Variants in DNM3 observed in about 807,000 individuals in gnomAD.
DNM3 encodes dynamin-3.
Under a neutral mutation model 101.6 loss-of-function variants are expected in DNM3, and 47 were observed. That is an observed-to-expected ratio of 0.46 (90% CI 0.37 to 0.59). The LOEUF is 0.59. DNM3 is among the 20% of genes least tolerant of loss of function. The probability of loss-of-function intolerance (pLI) is 0.00; values close to 1 mark genes in which losing one functional copy is unlikely to be tolerated. For synonymous variants in DNM3, 385 were observed against 387.9 expected (o/e 0.99, Z 0.09); for missense variants, 849 against 1,085.7 (o/e 0.78, Z 3.06).
intron 20 of DNM3, among the ~76,000 whole-genome samples, chr1:172,400,589 C>A (rs1281157123): frequency 6.6e-6 from 1 of 152,108 alleles, no homozygotes; most frequent in South Asian, 2.1e-4. Flanking sequence ...TGCTTCTCTG[C>A]GTTTCTTTTA....
At chr1:171,902,711 T>C (rs568646841) in intron 1 of DNM3, among the ~76,000 whole-genome samples, 1 of 152,304 alleles carries the variant, frequency 6.6e-6, no homozygotes, top group African/African-American at 2.4e-5. Flanking sequence ...GATTGACTTA[T>C]CTGTTGGTGA....
intron 1 of DNM3, among the ~76,000 whole-genome samples, chr1:171,886,480 C>T (rs1456297180): frequency 6.6e-6 from 1 of 152,118 alleles, no homozygotes; most frequent in East Asian, 1.9e-4. Flanking sequence ...ACTGGTATCA[C>T]TGTGGCTGGA....
intron 18 of DNM3, among the ~76,000 whole-genome samples, chr1:172,382,898 C>A (rs893641732): frequency 2.6e-5 from 4 of 152,186 alleles, no homozygotes; most frequent in Non-Finnish European, 2.9e-5. Flanking sequence ...CTGGACCCCT[C>A]TGGAGGTCCA....
intron 17 of DNM3, among the ~76,000 whole-genome samples, chr1:172,372,222 A>C (rs1414496058): frequency 6.6e-6 from 1 of 151,796 alleles, no homozygotes; most frequent in Non-Finnish European, 1.5e-5. Flanking sequence ...AATTTCATCC[A>C]TGTCCCTACA....
rs139081809 is a variant in DNM3 at position 171,860,904 on chromosome 1, G to A, written c.161+19087G>A. Among the ~76,000 whole-genome samples, 421 of 152,164 alleles carry A rather than the reference G, an allele frequency of 2.8e-3. 2 individuals are homozygous for A. The highest frequency in any genetic ancestry group is 9.6e-3 in the African/African-American group (398 of 41,546). ...AGTGGGAAGACTGAGAAAAAAGTTGGGAGTTGAACATCTAAGGTATGGATT... is the reference window on the plus strand; with the variant it reads ...AGTGGGAAGACTGAGAAAAAAGTTGAGAGTTGAACATCTAAGGTATGGATT... On this transcript the variant is annotated intron_variant, in intron 1 of 20. Coordinates refer to ENST00000627582, the MANE Select transcript of DNM3 (RefSeq NM_015569.5).
chr1:171,877,891 G>C (rs2035919736), intron 1 of DNM3, among the ~76,000 whole-genome samples: 1 of 152,164 alleles, frequency 6.6e-6, no homozygotes, highest in African/African-American at 2.4e-5. Context: ...CTTAGACCGG[G>C]TGTCTGATTA....
chr1:172,140,425 GTTA>G (rs1239692545), intron 14 of DNM3: 1 of 151,604 alleles, frequency 6.6e-6, no homozygotes, highest in African/African-American at 2.4e-5. Flanking sequence ...ATACTATTGT[GTTA>G]TTGTTGCTGC....
At chr1:172,155,580 G>A (rs1019216136) in intron 14 of DNM3, among the ~76,000 whole-genome samples, 4 of 152,044 alleles carry the variant, frequency 2.6e-5, no homozygotes, top group Non-Finnish European at 5.9e-5. Context: ...TCAGAGCCAA[G>A]GGGCTTTATA....
intron 2 of DNM3, among the ~76,000 whole-genome samples, chr1:171,983,110 C>G (rs565493549): frequency 6.6e-6 from 1 of 152,190 alleles, no homozygotes; most frequent in Admixed American, 6.5e-5. Context: ...CTTCACATCC[C>G]TCTGTAGCTG....
intron 15 of DNM3, among the ~76,000 whole-genome samples, chr1:172,292,601 T>TCACACACACACACACACACA (rs3079013): frequency 6.7e-6 from 1 of 148,576 alleles, no homozygotes; most frequent in Non-Finnish European, 1.5e-5. Flanking sequence ...ATAGAAGACT[T>TCACACACACACACACACACA]CACACACACA....
intron 20 of DNM3, chr1:172,418,250 A>G: frequency 1.6e-6 from 2 of 1,277,974 alleles, no homozygotes; most frequent in African/African-American, 1.5e-5. Context: ...TCTTTTTGTT[A>G]TTTTGTTTTG....
At chr1:172,133,446 A>G (rs1183491399) in intron 14 of DNM3, 16 of 985,274 alleles carry the variant, frequency 1.6e-5, no homozygotes, top group Non-Finnish European at 1.7e-5. Flanking sequence ...AAGGTATGGT[A>G]TGGAGGGTAG....
chr1:172,289,739 A>G (rs2063831855), intron 15 of DNM3: 2 of 985,012 alleles, frequency 2.0e-6, no homozygotes, highest in South Asian at 9.4e-5. Flanking sequence ...CTAAGTTTCA[A>G]TACTGTGTGT....
intron 17 of DNM3, among the ~76,000 whole-genome samples, chr1:172,364,289 C>A (rs2067894958): frequency 6.6e-6 from 1 of 151,810 alleles, no homozygotes; most frequent in African/African-American, 2.4e-5. Flanking sequence ...CTTATGTTTA[C>A]ACTGTGTATA....
chr1:172,157,170 C>T (rs555729839), intron 14 of DNM3, among the ~76,000 whole-genome samples: 8 of 152,202 alleles, frequency 5.3e-5, no homozygotes, highest in African/African-American at 1.9e-4. Context: ...TGTTTTCCAT[C>T]ATCTGGGGAT....
At chr1:172,035,762 T>C (rs1342591823) in intron 6 of DNM3, among the ~76,000 whole-genome samples, 1 of 152,194 alleles carries the variant, frequency 6.6e-6, no homozygotes, top group Non-Finnish European at 1.5e-5. Context: ...TCGGGAATGC[T>C]GTCCTCTCAG....
intron 14 of DNM3, among the ~76,000 whole-genome samples, chr1:172,135,668 G>A (rs1275076213): frequency 7.0e-6 from 1 of 142,510 alleles, no homozygotes; most frequent in Non-Finnish European, 1.6e-5. Flanking sequence ...AGCAAGATGT[G>A]AGAATAAAAC....
chr1:172,019,014 TC>T (rs1215229513), intron 4 of DNM3, among the ~76,000 whole-genome samples: 1 of 52,676 alleles, frequency 1.9e-5, no homozygotes, highest in Non-Finnish European at 3.1e-5. Flanking sequence ...CTTCGCCCCC[TC>T]CCTTCCTCCC....
intron 10 of DNM3, among the ~76,000 whole-genome samples, chr1:172,059,738 C>T (rs1458389821): frequency 7.1e-6 from 1 of 140,716 alleles, no homozygotes; most frequent in Non-Finnish European, 1.5e-5. Context: ...CAGCCAATAT[C>T]GTACTGAATG....
Sources: gnomAD v4.1 joint callset for allele counts (sites outside exome capture counted in the v4.1 genomes callset) on GRCh38, gnomAD v4.1.1 for gene constraint, MANE v1.5 for transcripts, NCBI Gene and HGNC (gene_info 2026-07-23, HGNC 2026-07-21) for gene names.